The following PCCA variants were observed in gnomAD, a reference collection of about 807,000 sequenced individuals.
PCCA encodes propionyl-CoA carboxylase subunit alpha.
Under a neutral mutation model 101.3 loss-of-function variants are expected in PCCA, and 74 were observed. That is an observed-to-expected ratio of 0.73 (90% CI 0.61 to 0.89). The LOEUF (loss-of-function observed/expected upper bound fraction) is 0.89. PCCA is among the 40% of genes least tolerant of loss of function. The pLI is 0.00. For synonymous variants in PCCA, 294 were observed against 313.6 expected (o/e 0.94, Z 0.66); for missense variants, 891 against 907.0 (o/e 0.98, Z 0.23).
intron 21 of PCCA, among the ~76,000 whole-genome samples, chr13:100,510,310 G>A (rs2086386358): frequency 6.6e-6 from 1 of 152,120 alleles, no homozygotes; most frequent in Admixed American, 6.6e-5. Context: ...GCATCAATTA[G>A]CACAGTGATT....
At chr13:100,207,080 T>C (rs1175296259) in intron 6 of PCCA, among the ~76,000 whole-genome samples, 1 of 152,246 alleles carries the variant, frequency 6.6e-6, no homozygotes, top group African/African-American at 2.4e-5. Flanking sequence ...TAAGTAAATG[T>C]GTATGCTTGT....
intron 5 of PCCA, among the ~76,000 whole-genome samples, 200 bp from the exon 6 acceptor site, chr13:100,157,087 A>G (rs2053963947): frequency 6.6e-6 from 1 of 152,240 alleles, no homozygotes; most frequent in South Asian, 2.1e-4. Context: ...GTGTGGAGAA[A>G]GTAAATATAA....
rs144898760 is a variant in PCCA, at chr13:100,415,672, A to T, written c.1747-9961A>T. Among the ~76,000 whole-genome samples, 15 of 152,336 alleles carry T rather than the reference A, an allele frequency of 9.8e-5. 1 individual carries two copies. Among genetic ancestry groups the T allele is most frequent in the African/African-American group, 3.4e-4 (14 of 41,588 alleles). On this transcript the variant is annotated intron_variant, in intron 19 of 23. Transcript: ENST00000376285. ...TTATATTTTCACTCTGCACAATGCT[A>T]ATCTCCTTAACATTTGATGACAAAG...
At chr13:100,213,459 T>C (rs1017772527) in intron 7 of PCCA, among the ~76,000 whole-genome samples, 3 of 152,202 alleles carry the variant, frequency 2.0e-5, no homozygotes, top group East Asian at 1.9e-4. Flanking sequence ...TCTCTCATTG[T>C]ATTGCATTTC....
At chr13:100,500,611 G>A (rs968701024) in intron 21 of PCCA, among the ~76,000 whole-genome samples, 1 of 152,150 alleles carries the variant, frequency 6.6e-6, no homozygotes, top group Non-Finnish European at 1.5e-5. Context: ...TAGTGAGCAC[G>A]GTGGTATTCT....
chr13:100,296,752 C>A (rs1439322781), intron 12 of PCCA, among the ~76,000 whole-genome samples: 3 of 152,028 alleles, frequency 2.0e-5, no homozygotes, highest in Non-Finnish European at 2.9e-5. Context: ...GTCTGTACTT[C>A]CTAAAAACAA....
At chr13:100,288,129 C>T (rs541968643) in intron 12 of PCCA, among the ~76,000 whole-genome samples, 116 of 152,114 alleles carry the variant, frequency 7.6e-4, no homozygotes, top group South Asian at 3.9e-3. Flanking sequence ...ATTTTAAAAA[C>T]GAACTTTATT....
intron 6 of PCCA, among the ~76,000 whole-genome samples, chr13:100,180,182 T>C (rs924286237): frequency 6.6e-6 from 1 of 152,182 alleles, no homozygotes; most frequent in Non-Finnish European, 1.5e-5. Flanking sequence ...CAACAGTGCA[T>C]ATCAGACTGA....
At chr13:100,281,326 A>T (rs1251125570) in intron 12 of PCCA, among the ~76,000 whole-genome samples, 1 of 152,226 alleles carries the variant, frequency 6.6e-6, no homozygotes, top group Non-Finnish European at 1.5e-5. Flanking sequence ...GTCAAAAGTC[A>T]AACTTCAAAA....
intron 20 of PCCA, among the ~76,000 whole-genome samples, chr13:100,441,709 A>G (rs1014151979): frequency 6.6e-6 from 1 of 152,246 alleles, no homozygotes; most frequent in Non-Finnish European, 1.5e-5. Context: ...AAAATATTTT[A>G]ATAAGCGTGG....
intron 12 of PCCA, chr13:100,293,172 G>C (rs1420580642): frequency 2.1e-6 from 1 of 470,028 alleles, no homozygotes; most frequent in Non-Finnish European, 4.4e-6. Flanking sequence ...CAGGTAAACT[G>C]TCCCACTTTT....
intron 22 of PCCA, among the ~76,000 whole-genome samples, chr13:100,522,950 A>G (rs1203134979): frequency 2.0e-5 from 3 of 152,224 alleles, no homozygotes; most frequent in Non-Finnish European, 2.9e-5. Flanking sequence ...CTTCTGATGA[A>G]TATCTGGTCT....
chr13:100,253,966 T>A (rs1009620646), intron 8 of PCCA, among the ~76,000 whole-genome samples: 1 of 151,936 alleles, frequency 6.6e-6, no homozygotes, highest in Non-Finnish European at 1.5e-5. Flanking sequence ...CTCACACTGC[T>A]AATAAATACA....
intron 21 of PCCA, among the ~76,000 whole-genome samples, chr13:100,467,263 C>T (rs904435060): frequency 2.6e-5 from 4 of 152,116 alleles, no homozygotes; most frequent in Admixed American, 6.6e-5. Context: ...GGGACAAAAC[C>T]AGTTCTTCTG....
intron 7 of PCCA, among the ~76,000 whole-genome samples, chr13:100,219,298 A>C (rs543790981): frequency 1.3e-5 from 2 of 152,252 alleles, no homozygotes; most frequent in South Asian, 4.2e-4. Flanking sequence ...TGATATCTTC[A>C]ATTTGGACTT....
intron 19 of PCCA, among the ~76,000 whole-genome samples, chr13:100,393,568 G>A (rs963695824): frequency 1.2e-4 from 18 of 151,806 alleles, no homozygotes; most frequent in African/African-American, 7.3e-5. Flanking sequence ...ACAGGCGCCC[G>A]CCACCGTGCC....
At chr13:100,351,588 G>A (rs926766095) in intron 18 of PCCA, among the ~76,000 whole-genome samples, 9 of 152,134 alleles carry the variant, frequency 5.9e-5, no homozygotes, top group African/African-American at 2.2e-4. Context: ...ATTTATGCAT[G>A]TGGAGATGGG....
At chr13:100,229,864 G>T (rs988906269) in intron 7 of PCCA, among the ~76,000 whole-genome samples, 1 of 152,116 alleles carries the variant, frequency 6.6e-6, no homozygotes, top group East Asian at 1.9e-4. Context: ...GTTTCTTTAC[G>T]GCACTGGGGA....
intron 12 of PCCA, among the ~76,000 whole-genome samples, chr13:100,290,498 C>T (rs966865982): frequency 6.6e-6 from 1 of 152,134 alleles, no homozygotes; most frequent in Non-Finnish European, 1.5e-5. Context: ...AGGCATGAGC[C>T]GTTGTGTCTG....
Sources: allele counts gnomAD v4.1 joint callset (sites outside exome capture counted in the v4.1 genomes callset), GRCh38; gene constraint gnomAD v4.1.1; transcripts MANE v1.5; gene names NCBI Gene and HGNC (gene_info 2026-07-23, HGNC 2026-07-21).